Variants in PDE4DIP observed in about 807,000 individuals in gnomAD.
PDE4DIP encodes phosphodiesterase 4D interacting protein.
In PDE4DIP, 59 loss-of-function variants were observed where a neutral mutation model predicts 221.4. That is an observed-to-expected ratio of 0.27 (90% CI 0.22 to 0.33). The LOEUF (loss-of-function observed/expected upper bound fraction) is 0.33. Ranked by LOEUF, PDE4DIP falls within the 10% of genes least tolerant of loss-of-function variation. The pLI is 1.00. For synonymous variants in PDE4DIP, 404 were observed against 815.9 expected, an observed-to-expected ratio of 0.50 and a Z score of 8.60; for missense variants, 1,036 against 2,154.2, an observed-to-expected ratio of 0.48 and a Z score of 10.28.
chr1:148,952,517 GCCTGCGC>G, intron 5 of PDE4DIP: 1 of 1,209,552 alleles, frequency 8.3e-7, no homozygotes, highest in Non-Finnish European at 1.0e-6. Context: ...TCGGAGCGCG[GCCTGCGC>G]CTCTGTCACT....
rs1681766121 is a variant in PDE4DIP, at chr1:148,857,304, T to G, written c.234-5946T>G. Among the ~76,000 whole-genome samples the G allele has an allele frequency of 2.3e-5, 2 of 85,562 alleles. 1 individual carries two copies. The highest frequency in any genetic ancestry group is 4.2e-5 in the Non-Finnish European group (2 of 47,898). The allele number at this position is 85,562 out of a possible 152,430, so 56.1% of individuals were successfully genotyped here. On this transcript the variant is annotated intron_variant, in intron 1 of 45. Transcript: ENST00000524974. ...CCGGACTTTTTATTTCTCTGCGTTC[T>G]TTTCTAGTTTGTTTCTATGGGTATT... is the stretch of plus-strand genomic sequence containing the variant.
intron 43 of PDE4DIP, chr1:149,030,780 A>T (rs1553636393): frequency 3.0e-6 from 3 of 984,648 alleles, no homozygotes; most frequent in South Asian, 4.7e-5. Flanking sequence ...ATGACAAAAG[A>T]GATCTGTTGG....
At chr1:148,970,529 C>A (rs147189460) in intron 14 of PDE4DIP, among the ~76,000 whole-genome samples, 1 of 149,960 alleles carries the variant, frequency 6.7e-6, no homozygotes, top group Admixed American at 6.7e-5. Flanking sequence ...TCTAAATTTA[C>A]GTGCAAAAGA....
At chr1:148,998,803 C>G (rs1346059837) in intron 23 of PDE4DIP, among the ~76,000 whole-genome samples, 4 of 150,548 alleles carry the variant, frequency 2.7e-5, no homozygotes, top group Non-Finnish European at 4.4e-5. Context: ...GTGGCAAGAT[C>G]TTGGCTCACT....
chr1:148,961,233 A>C (rs1192181935), intron 6 of PDE4DIP, among the ~76,000 whole-genome samples: 1 of 152,174 alleles, frequency 6.6e-6, no homozygotes, highest in African/African-American at 2.4e-5. Flanking sequence ...GCTTGAACGC[A>C]GGAGGTGGAT....
intron 1 of PDE4DIP, among the ~76,000 whole-genome samples, chr1:148,899,113 T>C (rs1283198399): frequency 8.2e-6 from 1 of 121,680 alleles, no homozygotes; most frequent in Non-Finnish European, 1.6e-5. Context: ...ATTATAAGTG[T>C]GAGCCAATGC....
chr1:148,970,422 T>A (rs2058989349), intron 14 of PDE4DIP, among the ~76,000 whole-genome samples: 1 of 152,172 alleles, frequency 6.6e-6, no homozygotes, highest in Non-Finnish European at 1.5e-5. Context: ...GAAAAAAAAT[T>A]ATGCACTGCT....
chr1:148,983,386 T>C (rs2061419993), intron 21 of PDE4DIP: 1 of 152,116 alleles, frequency 6.6e-6, no homozygotes, highest in African/African-American at 2.4e-5. Flanking sequence ...CACTCCTACT[T>C]CTGTCAACCT....
intron 19 of PDE4DIP, among the ~76,000 whole-genome samples, chr1:148,978,895 G>A (rs1553539985): frequency 6.6e-6 from 1 of 151,994 alleles, no homozygotes; most frequent in African/African-American, 2.4e-5. Context: ...GCCCCTTTCT[G>A]ACATTTGTAG....
intron 1 of PDE4DIP, among the ~76,000 whole-genome samples, chr1:148,829,017 A>AACACACACACACACACACAC (rs5777522): frequency 7.0e-6 from 1 of 143,376 alleles, no homozygotes; most frequent in African/African-American, 2.5e-5. Context: ...TTCCTGCATA[A>AACACACACACACACACACAC]ACACACACAC....
chr1:149,020,029 A>G, intron 35 of PDE4DIP, 118 bp from the exon 39 acceptor site: 1 of 597,036 alleles, frequency 1.7e-6, no homozygotes, highest in South Asian at 2.1e-5. Flanking sequence ...TCCCACCAAC[A>G]TAGGGCCTTC....
chr1:148,987,533 C>T (rs1217697153), intron 21 of PDE4DIP, among the ~76,000 whole-genome samples: 3 of 152,122 alleles, frequency 2.0e-5, no homozygotes, highest in Non-Finnish European at 4.4e-5. Flanking sequence ...CACAAGGGCC[C>T]GGTACCGAAG....
At chr1:149,017,836 G>A (rs370653963) in exon 34 of PDE4DIP, 3 of 1,613,512 alleles carry the variant, frequency 1.9e-6, no homozygotes, top group African/African-American at 2.7e-5. Context: ...ACCGCCTACG[G>A]GAGCAACTGG....
chr1:148,979,598 A>G (rs1559132449), intron 19 of PDE4DIP, 139 bp from the exon 23 acceptor site: 5 of 636,576 alleles, frequency 7.9e-6, no homozygotes, highest in Non-Finnish European at 7.9e-6. Context: ...TGATTTGAAA[A>G]CTATAAAATA....
chr1:149,000,286 G>A (rs2065304998), intron 23 of PDE4DIP, among the ~76,000 whole-genome samples: 1 of 152,206 alleles, frequency 6.6e-6, no homozygotes, highest in Non-Finnish European at 1.5e-5. Flanking sequence ...TGGGCATGGT[G>A]GCTCATGCCT....
chr1:148,829,143 C>A (rs1808995), intron 1 of PDE4DIP, among the ~76,000 whole-genome samples: 1,293 of 129,844 alleles, frequency 1.0e-2, no homozygotes, highest in East Asian at 0.014. Flanking sequence ...AGGAAATCCA[C>A]TTATTCAGCT....
In PDE4DIP at chr1:148,952,985, G is replaced by C; in HGVS notation, c.637-7669G>C. 3.7e-6 allele frequency: 6 copies of C among 1,613,144 alleles called. No individual in the cohort carries two copies. The South Asian group carries it at 6.6e-5, about 18-fold the overall frequency. On this transcript the variant is annotated intron_variant, in intron 5 of 43. Coordinates refer to ENST00000369354, the Ensembl canonical transcript of PDE4DIP. Reference sequence around the variant, plus strand: ...AATCTATCGATTCGACACAGTTATTGCCCGGATTGAAGCGCTTTCTATTGA... The same window carrying C: ...AATCTATCGATTCGACACAGTTATTCCCCGGATTGAAGCGCTTTCTATTGA...
intron 27 of PDE4DIP, 92 bp from the exon 31 acceptor site, chr1:149,007,109 T>C (rs1156490063): frequency 2.4e-4 from 165 of 677,068 alleles, no homozygotes; most frequent in Non-Finnish European, 3.8e-4. Flanking sequence ...TTAGAGATGT[T>C]CTCATAGAAA....
chr1:148,997,979 C>G (rs2064697915), intron 22 of PDE4DIP, among the ~76,000 whole-genome samples, 164 bp from the exon 26 acceptor site: 2 of 152,104 alleles, frequency 1.3e-5, no homozygotes, highest in African/African-American at 4.8e-5. Flanking sequence ...AAACCAGTCC[C>G]CAGGGCCCTT....
Sources: allele counts gnomAD v4.1 joint callset (sites outside exome capture counted in the v4.1 genomes callset), GRCh38; gene constraint gnomAD v4.1.1; transcripts MANE v1.5; gene names NCBI Gene and HGNC (gene_info 2026-07-23, HGNC 2026-07-21).